Variants in PDZD2 observed in about 807,000 individuals in gnomAD.
The protein encoded by PDZD2 is PDZ domain-containing protein 2.
PDZD2 carries 90 observed loss-of-function variants against 220.7 expected under a neutral mutation model. The observed-to-expected ratio is 0.41, with a 90% CI of 0.34 to 0.49. The LOEUF is 0.49. PDZD2 is among the 20% of genes least tolerant of loss of function. PDZD2 has a pLI of 0.28. For synonymous variants in PDZD2, 1,375 were observed against 1,450.5 expected (o/e 0.95, Z 1.18); for missense variants, 3,174 against 3,608.5 (o/e 0.88, Z 3.08).
At position 32,087,030 on chromosome 5, in the gene PDZD2, C is replaced by A; in HGVS notation, c.3683-101C>A. On this transcript the variant is annotated intron_variant, in intron 19 of 24. Transcript: ENST00000438447. The surrounding 1 kb of genome is among the most constrained non-coding windows in gnomAD (Gnocchi z 4.0). ...AATATTTGAGGTTGTTTATAATTTT[C>A]TAGTTTTTAATAATTGAGGGGCTGC... is the stretch of plus-strand genomic sequence containing the variant. 1 of 695,240 alleles carries A rather than the reference C, an allele frequency of 1.4e-6. No individual in the cohort carries two copies. Among genetic ancestry groups the A allele is most frequent in the Non-Finnish European group, 2.5e-6 (1 of 404,498 alleles). 43.1% of individuals were successfully genotyped at this position (695,240 alleles called of 1,614,324 possible).
chr5:31,664,465 C>CAT (rs1378601528), intron 1 of PDZD2, among the ~76,000 whole-genome samples: 2 of 151,834 alleles, frequency 1.3e-5, no homozygotes, highest in Non-Finnish European at 2.9e-5. Context: ...CACACACACA[C>CAT]ACACACACAC....
chr5:32,018,355 G>C (rs1753934073), intron 6 of PDZD2, among the ~76,000 whole-genome samples: 1 of 152,240 alleles, frequency 6.6e-6, no homozygotes, highest in African/African-American at 2.4e-5. Flanking sequence ...GGACCTCTGT[G>C]TGCACGGCGT....
At chr5:31,751,632 C>T (rs12516878) in intron 1 of PDZD2, among the ~76,000 whole-genome samples, 1 of 152,004 alleles carries the variant, frequency 6.6e-6, no homozygotes, top group African/African-American at 2.4e-5. Flanking sequence ...ATGAGGTATA[C>T]CCCTAGCAGG....
At chr5:31,806,906 C>A (rs1754748112) in intron 2 of PDZD2, among the ~76,000 whole-genome samples, 1 of 149,400 alleles carries the variant, frequency 6.7e-6, no homozygotes, top group Non-Finnish European at 1.5e-5. Flanking sequence ...CGCATTTTTG[C>A]AGAATGTAAA....
At chr5:31,850,634 C>CTTTTTT (rs1202109766) in intron 2 of PDZD2, among the ~76,000 whole-genome samples, 1 of 118,324 alleles carries the variant, frequency 8.5e-6, no homozygotes, top group Admixed American at 9.4e-5. Flanking sequence ...TACCCAAATT[C>CTTTTTT]TTTTTTTTTT....
intron 1 of PDZD2, among the ~76,000 whole-genome samples, chr5:31,783,734 G>A (rs555597559): frequency 6.6e-6 from 1 of 152,198 alleles, no homozygotes; most frequent in South Asian, 2.1e-4. Flanking sequence ...CTCAGCAATG[G>A]AAACATTAGA....
intron 1 of PDZD2, among the ~76,000 whole-genome samples, chr5:31,776,351 G>A (rs2150203324): frequency 6.6e-6 from 1 of 152,220 alleles, no homozygotes; most frequent in Admixed American, 6.5e-5. Context: ...TCTGAGCTAT[G>A]AGGAACAGTC....
chr5:31,793,561 C>G (rs534949248), intron 1 of PDZD2, among the ~76,000 whole-genome samples: 1 of 152,276 alleles, frequency 6.6e-6, no homozygotes, highest in Non-Finnish European at 1.5e-5. Flanking sequence ...AATCCCAGCA[C>G]TTTGGGAGGC....
intron 1 of PDZD2, among the ~76,000 whole-genome samples, chr5:31,666,652 C>T (rs1276668850): frequency 3.3e-5 from 5 of 152,176 alleles, no homozygotes; most frequent in African/African-American, 4.8e-5. Context: ...AGAATACAGT[C>T]GGTTTCTCTT....
intron 1 of PDZD2, among the ~76,000 whole-genome samples, chr5:31,745,569 C>T (rs148399691): frequency 3.5e-4 from 54 of 152,316 alleles, no homozygotes; most frequent in African/African-American, 1.3e-3. Context: ...TGCTTTCACG[C>T]TCCCTCTCAC....
intron 2 of PDZD2, among the ~76,000 whole-genome samples, chr5:31,960,993 A>C (rs185892424): frequency 6.6e-6 from 1 of 152,312 alleles, no homozygotes; most frequent in Non-Finnish European, 1.5e-5. Flanking sequence ...GCCATCACTC[A>C]ATTTTTGAAC....
At chr5:31,803,261 C>CTTTTTTTTTTTTTT (rs759569783) in intron 2 of PDZD2, among the ~76,000 whole-genome samples, 1 of 92,256 alleles carries the variant, frequency 1.1e-5, no homozygotes, top group Non-Finnish European at 2.0e-5. Context: ...CTGCATCTGG[C>CTTTTTTTTTTTTTT]TTTTTTTTTT....
At chr5:31,734,171 C>G (rs1367714340) in intron 1 of PDZD2, among the ~76,000 whole-genome samples, 2 of 152,074 alleles carry the variant, frequency 1.3e-5, no homozygotes, top group Non-Finnish European at 2.9e-5. Context: ...TACAGATGAA[C>G]AGCCAGATGA....
At chr5:31,921,655 A>ACTCC (rs1338790446) in intron 2 of PDZD2, among the ~76,000 whole-genome samples, 1 of 151,888 alleles carries the variant, frequency 6.6e-6, no homozygotes, top group Non-Finnish European at 1.5e-5. Flanking sequence ...GTGCCACTGC[A>ACTCC]CTCCCACCTG....
intron 6 of PDZD2, among the ~76,000 whole-genome samples, chr5:32,029,352 A>AAAAAAAC: frequency 6.7e-6 from 1 of 149,630 alleles, no homozygotes; most frequent in Non-Finnish European, 1.5e-5. Context: ...AAAAAAAAAA[A>AAAAAAAC]AGCTTTTCCA....
chr5:31,910,217 ATTT>A (rs70957978), intron 2 of PDZD2, among the ~76,000 whole-genome samples: 222 of 106,816 alleles, frequency 2.1e-3, no homozygotes, highest in African/African-American at 7.9e-3. Context: ...GAGTTCCTGC[ATTT>A]TTTTTTTTTT....
intron 15 of PDZD2, among the ~76,000 whole-genome samples, chr5:32,070,196 G>A (rs928833090): frequency 6.6e-6 from 1 of 152,168 alleles, no homozygotes; most frequent in Non-Finnish European, 1.5e-5. Flanking sequence ...TAGCATGGAA[G>A]CCTAAAGGGA....
intron 5 of PDZD2, among the ~76,000 whole-genome samples, chr5:32,006,636 C>G (rs1233848427): frequency 1.3e-5 from 2 of 151,260 alleles, no homozygotes; most frequent in East Asian, 3.9e-4. Context: ...CTAGGACTCC[C>G]AAGGTAATGG....
chr5:31,658,050 A>G (rs926682639), intron 1 of PDZD2, among the ~76,000 whole-genome samples: 4 of 152,150 alleles, frequency 2.6e-5, no homozygotes, highest in Non-Finnish European at 5.9e-5. Flanking sequence ...TTCTGCCCCT[A>G]TGTGCTAGCT....
Sources: allele counts gnomAD v4.1 joint callset (sites outside exome capture counted in the v4.1 genomes callset), GRCh38; gene constraint gnomAD v4.1.1; non-coding constraint Gnocchi (gnomAD v3.1); transcripts MANE v1.5; gene names NCBI Gene and HGNC (gene_info 2026-07-23, HGNC 2026-07-21).